DCLRE1C: variants seen among roughly 807,000 people sequenced by gnomAD.
The protein encoded by DCLRE1C is protein artemis.
In DCLRE1C, 47 loss-of-function variants were observed where a neutral mutation model predicts 61.4. The ratio of observed to expected loss-of-function variants is 0.77; its 90% CI spans 0.61 to 0.98. The LOEUF is 0.98. Among genes scored for constraint, DCLRE1C ranks in the 50% least tolerant of loss-of-function variants. The pLI is 0.00. For synonymous variants in DCLRE1C, 337 were observed against 287.6 expected (o/e 1.17, Z -1.74); for missense variants, 858 against 816.0 (o/e 1.05, Z -0.63).
chr10:14,948,370 G>A (rs7916726), intron 2 of DCLRE1C, among the ~76,000 whole-genome samples: 110,637 of 152,026 alleles, frequency 0.73, 40,337 homozygotes, highest in Admixed American at 0.78. Context: ...TCTTGAGAAG[G>A]GGGAATTTAG....
intron 2 of DCLRE1C, 163 bp from the exon 3 acceptor site, chr10:14,945,352 G>T: frequency 7.3e-7 from 1 of 1,376,240 alleles, no homozygotes; most frequent in East Asian, 3.0e-5. Context: ...AGCCTGGCAT[G>T]GTTATGAAAT....
intron 3 of DCLRE1C, among the ~76,000 whole-genome samples, chr10:14,943,031 C>A (rs1356162235): frequency 3.3e-5 from 5 of 152,166 alleles, no homozygotes; most frequent in African/African-American, 9.6e-5. Context: ...GAGGCGGAGG[C>A]AGGGAGAATT....
chr10:14,910,812 G>A (rs1835133657), intron 13 of DCLRE1C, among the ~76,000 whole-genome samples: 1 of 152,086 alleles, frequency 6.6e-6, no homozygotes, highest in South Asian at 2.1e-4. Flanking sequence ...TTGAAATAAC[G>A]AAAAATCAGA....
intron 3 of DCLRE1C, among the ~76,000 whole-genome samples, chr10:14,943,189 C>A (rs1841155388): frequency 6.6e-6 from 1 of 152,184 alleles, no homozygotes; most frequent in Non-Finnish European, 1.5e-5. Flanking sequence ...TGCCAACTCC[C>A]ACAATGATTT....
At chr10:14,909,585 C>T (rs926009013) in intron 13 of DCLRE1C, among the ~76,000 whole-genome samples, 25 of 147,858 alleles carry the variant, frequency 1.7e-4, no homozygotes, top group African/African-American at 6.2e-4. Context: ...TCATTACGAT[C>T]ATATGCAAAA....
rs1834650470 is a variant in DCLRE1C, at chr10:14,908,317, T to G, written c.*91A>C. 9.1e-7 allele frequency: 1 copy of G among 1,095,888 alleles called. No individual in the cohort carries two copies. The highest frequency in any genetic ancestry group is 1.6e-5 in the African/African-American group (1 of 64,260). 67.9% of individuals were successfully genotyped at this position (1,095,888 alleles called of 1,614,324 possible). On this transcript the variant is annotated 3_prime_UTR_variant, in exon 14 of 14. Transcript: ENST00000378278. ...CACCCAACCAGGTTATTTGAACATT[T>G]TTAAGTACTGTATTTTCTCTATTGT... is the stretch of plus-strand genomic sequence containing the variant.
intron 5 of DCLRE1C, 58 bp from the exon 6 acceptor site, chr10:14,935,622 A>T (rs1839782351): frequency 1.3e-6 from 2 of 1,491,124 alleles, no homozygotes; most frequent in Non-Finnish European, 1.9e-6. Context: ...CCAATAAAGC[A>T]AATACATGTG....
intron 9 of DCLRE1C, among the ~76,000 whole-genome samples, chr10:14,930,717 G>A (rs1169327233): frequency 1.3e-5 from 2 of 152,156 alleles, no homozygotes; most frequent in Non-Finnish European, 1.5e-5. Flanking sequence ...ACAGGCATGA[G>A]CCACCACACC....
chr10:14,910,383 C>T (rs1835052444), intron 13 of DCLRE1C, among the ~76,000 whole-genome samples: 1 of 152,176 alleles, frequency 6.6e-6, no homozygotes, highest in Non-Finnish European at 1.5e-5. Context: ...TCCCTCACTA[C>T]TATGCCAAAG....
rs1293901925 is a variant in DCLRE1C at position 14,944,309 on chromosome 10, A to C, written c.246+796T>G. On this transcript the variant is annotated intron_variant, in intron 3 of 13. Transcript: ENST00000378278. ...AAGTCAGGAGTTTGAGACCTGCCTG[A>C]CCAACACAGTGAAATCCTCTGCCTA... 1.3e-5 allele frequency among the ~76,000 whole-genome samples: 2 copies of C among 152,096 alleles called. 1 individual carries two copies. The highest frequency in any genetic ancestry group is 2.9e-5 in the Non-Finnish European group (2 of 68,010).
chr10:14,927,825 T>C (rs1310566179), intron 10 of DCLRE1C, among the ~76,000 whole-genome samples, 191 bp downstream of exon 10: 2 of 152,206 alleles, frequency 1.3e-5, no homozygotes, highest in African/African-American at 4.8e-5. Flanking sequence ...AACCTCAGGA[T>C]ACACCAGCTG....
intron 1 of DCLRE1C, among the ~76,000 whole-genome samples, chr10:14,952,698 G>A (rs1401166535): frequency 6.6e-6 from 1 of 151,960 alleles, no homozygotes; most frequent in Admixed American, 6.6e-5. Context: ...GACAAAGGGA[G>A]ACCCTGTCTC....
chr10:14,914,668 G>A (rs1053182995), intron 13 of DCLRE1C, among the ~76,000 whole-genome samples: 3 of 152,222 alleles, frequency 2.0e-5, no homozygotes, highest in African/African-American at 7.2e-5. Context: ...TACCAGGCCA[G>A]GTGTGGTGGC....
At chr10:14,898,299 C>T (rs965030605) in exon 14 of DCLRE1C, 1 of 136,918 alleles carries the variant, frequency 7.3e-6, no homozygotes, top group Non-Finnish European at 1.5e-5. Context: ...ACACAGGTCA[C>T]ATAGTAATAA....
chr10:14,906,806 C>A lies in DCLRE1C; in HGVS notation c.*1602G>T, dbSNP rs1834432350. Among the ~76,000 whole-genome samples, 1 of 152,198 alleles carries A rather than the reference C, an allele frequency of 6.6e-6. No homozygotes were observed. The highest frequency in any genetic ancestry group is 1.5e-5 in the Non-Finnish European group (1 of 68,036). Reference sequence around the variant, plus strand: ...ACTTGTTAAAAATCCTCATACATAACACAAAAGCCTAACACATTGATGGAC... The same window carrying A: ...ACTTGTTAAAAATCCTCATACATAAAACAAAAGCCTAACACATTGATGGAC... On this transcript the variant is annotated 3_prime_UTR_variant, in exon 14 of 14. Transcript: ENST00000378278.
At chr10:14,902,697 C>T (rs1047711334), downstream of DCLRE1C, 2 of 464,722 alleles carry the variant, frequency 4.3e-6, no homozygotes, top group Non-Finnish European at 7.8e-6. Flanking sequence ...GTCTCATAGA[C>T]TGATATGAAG....
chr10:14,900,137 G>C (rs148486968), downstream of DCLRE1C, among the ~76,000 whole-genome samples: 47 of 152,256 alleles, frequency 3.1e-4, no homozygotes, highest in African/African-American at 1.0e-3. Context: ...AAGATTTGTA[G>C]AGTATTTATG....
At chr10:14,938,014 C>T (rs972240959) in intron 4 of DCLRE1C, among the ~76,000 whole-genome samples, 4 of 151,892 alleles carry the variant, frequency 2.6e-5, no homozygotes, top group African/African-American at 7.3e-5. Context: ...CTCCAGCCAT[C>T]AGTAAGTGGG....
intron 9 of DCLRE1C, among the ~76,000 whole-genome samples, chr10:14,929,564 C>T (rs1178588881): frequency 1.3e-5 from 2 of 151,890 alleles, no homozygotes; most frequent in African/African-American, 4.8e-5. Context: ...ATCACTTGAG[C>T]CTGGGGGGTC....
Sources: allele counts gnomAD v4.1 joint callset (sites outside exome capture counted in the v4.1 genomes callset), GRCh38; gene constraint gnomAD v4.1.1; transcripts MANE v1.5; gene names NCBI Gene and HGNC (gene_info 2026-07-23, HGNC 2026-07-21).